The following MTAP variants were observed in gnomAD, a reference collection of about 807,000 sequenced individuals.
MTAP encodes methylthioadenosine phosphorylase, also known as S-methyl-5'-thioadenosine phosphorylase.
In MTAP, 33 loss-of-function variants were observed where a neutral mutation model predicts 33.6. The observed-to-expected ratio is 0.98, with a 90% CI of 0.74 to 1.31. The LOEUF (loss-of-function observed/expected upper bound fraction) is 1.31, where lower values mean the gene tolerates loss of function less well. Among genes scored for constraint, MTAP ranks in the 40% most tolerant of loss-of-function variants. MTAP has a pLI of 0.00. For missense variants in MTAP, 367 were observed against 360.0 expected (o/e 1.02, Z -0.16); for synonymous variants, 148 against 125.7 (o/e 1.18, Z -1.19).
intron 1 of MTAP, chr9:21,808,720 A>T: frequency 6.6e-6 from 1 of 152,164 alleles, no homozygotes; most frequent in East Asian, 1.9e-4. Flanking sequence ...TCTTAGAAAA[A>T]CCATTTCCTT....
At chr9:21,829,417 GTT>G (rs5896953) in intron 4 of MTAP, among the ~76,000 whole-genome samples, 65 of 145,096 alleles carry the variant, frequency 4.5e-4, no homozygotes, top group African/African-American at 1.3e-3. Context: ...TTCTTTTGTT[GTT>G]TTTTTTTTTT....
At chr9:21,808,558 C>T (rs1219378423) in intron 1 of MTAP, among the ~76,000 whole-genome samples, 1 of 149,106 alleles carries the variant, frequency 6.7e-6, no homozygotes, top group Non-Finnish European at 1.5e-5. Context: ...CACTGCACTC[C>T]AGCAGCCTGG....
chr9:21,843,019 A>T (rs1825289638), intron 5 of MTAP, among the ~76,000 whole-genome samples: 1 of 152,216 alleles, frequency 6.6e-6, no homozygotes, highest in Non-Finnish European at 1.5e-5. Flanking sequence ...TCTTCAGGAG[A>T]ATCACCTAGC....
At chr9:21,913,232 C>T (rs1189038132) in intron 1 of MTAP, among the ~76,000 whole-genome samples, 1 of 152,120 alleles carries the variant, frequency 6.6e-6, no homozygotes, top group Non-Finnish European at 1.5e-5. Context: ...TCAATGCCAT[C>T]CCCATCAAGC....
chr9:21,858,415 C>T (rs572234714), intron 6 of MTAP, among the ~76,000 whole-genome samples: 40 of 152,228 alleles, frequency 2.6e-4, no homozygotes, highest in African/African-American at 9.1e-4. Flanking sequence ...ACAGGCTGTA[C>T]GGGACGTGAT....
At chr9:21,936,742 T>C (rs1285034356) in exon 8 of MTAP, 1 of 152,184 alleles carries the variant, frequency 6.6e-6, no homozygotes, top group Non-Finnish European at 1.5e-5. Flanking sequence ...TCACTAGAAA[T>C]TGAAGTTACT....
At chr9:21,829,945 T>G (rs960669259) in intron 4 of MTAP, among the ~76,000 whole-genome samples, 6 of 152,150 alleles carry the variant, frequency 3.9e-5, no homozygotes, top group Non-Finnish European at 2.9e-5. Flanking sequence ...CTTCTCTCTC[T>G]CATGCTACAT....
chr9:21,822,908 T>G (rs1180692629), intron 4 of MTAP, among the ~76,000 whole-genome samples: 3 of 152,214 alleles, frequency 2.0e-5, no homozygotes, highest in Non-Finnish European at 4.4e-5. Flanking sequence ...CTTTTGATCT[T>G]TGTTGGTTTA....
At chr9:21,804,838 A>T (rs987050226) in intron 1 of MTAP, among the ~76,000 whole-genome samples, 1 of 152,228 alleles carries the variant, frequency 6.6e-6, no homozygotes, top group African/African-American at 2.4e-5. Flanking sequence ...GGACCTAGAT[A>T]ATGACAGAAT....
At chr9:21,818,709 T>G (rs1177706307) in intron 4 of MTAP, among the ~76,000 whole-genome samples, 1 of 152,250 alleles carries the variant, frequency 6.6e-6, no homozygotes, top group East Asian at 1.9e-4. Flanking sequence ...AACATTATAT[T>G]TTGATATATG....
rs1371002096 is a variant in MTAP at position 21,916,155 on chromosome 9, G to T, written c.148-14853G>T. ...AGGAAGGAAAATAACCTAGTTAAAA[G>T]TTTGTACTTGGTTGAATAGCTTCCC... On this transcript the variant is annotated intron_variant, in intron 1 of 1. Transcript: ENST00000577563. Among the ~76,000 whole-genome samples, 4 of 151,068 alleles carry T rather than the reference G, an allele frequency of 2.6e-5. No homozygotes were observed. In the East Asian group the frequency reaches 7.9e-4, roughly 30 times the overall value.
intron 6 of MTAP, chr9:21,859,026 C>CTGGAACCTCACACGGTGG: frequency 8.1e-6 from 2 of 245,856 alleles, no homozygotes; most frequent in Non-Finnish European, 1.5e-5. Flanking sequence ...CATCTTCTCA[C>CTGGAACCTCACACGGTGG]TGGAACCTCA....
intron 1 of MTAP, among the ~76,000 whole-genome samples, chr9:21,872,781 CAATT>C (rs1445308178): frequency 6.6e-6 from 1 of 152,094 alleles, no homozygotes; most frequent in Non-Finnish European, 1.5e-5. Context: ...GAAGTAGAAA[CAATT>C]AACTGTAGAC....
At chr9:21,803,253 C>A in intron 1 of MTAP, 1 of 295,672 alleles carries the variant, frequency 3.4e-6, no homozygotes, top group East Asian at 5.8e-5. Context: ...CTTCCGCTCT[C>A]TGACTCTGCT....
intron 1 of MTAP, among the ~76,000 whole-genome samples, chr9:21,809,343 A>C (rs1824285976): frequency 6.6e-6 from 1 of 152,056 alleles, no homozygotes; most frequent in Non-Finnish European, 1.5e-5. Flanking sequence ...ACGTTTTAAA[A>C]ATTTATGGTC....
downstream of MTAP, among the ~76,000 whole-genome samples, chr9:21,870,251 A>G (rs1405006141): frequency 1.3e-5 from 2 of 152,182 alleles, no homozygotes; most frequent in African/African-American, 4.8e-5. Flanking sequence ...TGTTTTTCCC[A>G]TAGCTCTTAA....
At chr9:21,920,591 C>A (rs941759475) in intron 1 of MTAP, among the ~76,000 whole-genome samples, 1 of 152,254 alleles carries the variant, frequency 6.6e-6, no homozygotes, top group Middle Eastern at 3.4e-3. Context: ...ATAGCCCACT[C>A]GAAAGGGGCT....
rs1435710146 is a variant in MTAP at position 21,859,443 on chromosome 9, A to T, written c.813+18A>T. On this transcript the variant is annotated intron_variant, in intron 7 of 7. Coordinates refer to ENST00000644715, the MANE Select transcript of MTAP (RefSeq NM_002451.4). ...ACCTGAAGGTAAGTGTCAGCCATGG[A>T]CAATCAGGCATGTCTGTAGACTCTC... The T allele has an allele frequency of 1.2e-6, 2 of 1,601,386 alleles. No homozygotes were observed. The highest frequency in any genetic ancestry group is 2.7e-5 in the African/African-American group (2 of 73,992).
At position 21,865,308 on chromosome 9, in the gene MTAP, C is replaced by T. The variant is rs919823409; in HGVS notation, c.*3294C>T. On this transcript the variant is annotated 3_prime_UTR_variant, in exon 8 of 8. Transcript: ENST00000644715. ...CATGTGAAGAAGGACGTGTTTGTTT[C>T]CCCTTCTGCCACGATTGTAAGTTTC... The T allele has an allele frequency of 3.9e-6, 2 of 516,062 alleles. No individual in the cohort carries two copies. The allele number at this position is 516,062 out of a possible 1,614,324, so 32.0% of individuals were successfully genotyped here.
Sources: allele counts gnomAD v4.1 joint callset (sites outside exome capture counted in the v4.1 genomes callset), GRCh38; gene constraint gnomAD v4.1.1; transcripts MANE v1.5; gene names NCBI Gene and HGNC (gene_info 2026-07-23, HGNC 2026-07-21).